Variants in FAT3 observed in about 807,000 individuals in gnomAD.
FAT3 encodes FAT atypical cadherin 3, also known as protocadherin Fat 3.
FAT3 carries 95 observed loss-of-function variants against 310.2 expected under a neutral mutation model. The ratio of observed to expected loss-of-function variants is 0.31; its 90% CI spans 0.26 to 0.36. The LOEUF (loss-of-function observed/expected upper bound fraction) is 0.36. Among genes scored for constraint, FAT3 ranks in the 10% least tolerant of loss-of-function variants. The pLI, the probability that FAT3 is intolerant of heterozygous loss-of-function variation, is 1.00. For synonymous variants in FAT3, 2,314 were observed against 2,192.9 expected, an observed-to-expected ratio of 1.06 and a Z score of -1.54; for missense variants, 5,408 against 5,715.6, an observed-to-expected ratio of 0.95 and a Z score of 1.74.
intron 3 of FAT3, among the ~76,000 whole-genome samples, chr11:92,652,345 T>C (rs185282576): frequency 6.6e-6 from 1 of 152,314 alleles, no homozygotes; most frequent in African/African-American, 2.4e-5. Flanking sequence ...GTTAAGAAGG[T>C]TAGATATTCA....
At chr11:92,688,388 A>G (rs371973106) in intron 3 of FAT3, among the ~76,000 whole-genome samples, 1 of 152,118 alleles carries the variant, frequency 6.6e-6, no homozygotes, top group Non-Finnish European at 1.5e-5. Context: ...AGTGTTGTTC[A>G]TGTTAGAAAA....
At chr11:92,679,058 A>C (rs1943383684) in intron 3 of FAT3, among the ~76,000 whole-genome samples, 1 of 152,120 alleles carries the variant, frequency 6.6e-6, no homozygotes, top group South Asian at 2.1e-4. Flanking sequence ...GATATTTGAC[A>C]TTCTTTGGCT....
chr11:92,285,570 G>A (rs1946541685), intron 1 of FAT3, among the ~76,000 whole-genome samples: 1 of 152,084 alleles, frequency 6.6e-6, no homozygotes, highest in Non-Finnish European at 1.5e-5. Context: ...AACACAAGTG[G>A]CTATTGATCA....
chr11:92,615,739 G>A (rs1206136774), intron 3 of FAT3, among the ~76,000 whole-genome samples: 2 of 152,182 alleles, frequency 1.3e-5, no homozygotes, highest in African/African-American at 4.8e-5. Context: ...TATGTACCCA[G>A]TAGTCATTCA....
chr11:92,337,297 A>T (rs1323379694), intron 1 of FAT3, among the ~76,000 whole-genome samples: 1 of 152,196 alleles, frequency 6.6e-6, no homozygotes, highest in African/African-American at 2.4e-5. Flanking sequence ...CATTTAGTCT[A>T]AGTAATTTTT....
chr11:92,841,072 A>G (rs956679984), intron 18 of FAT3, among the ~76,000 whole-genome samples: 1 of 152,000 alleles, frequency 6.6e-6, no homozygotes, highest in African/African-American at 2.4e-5. Flanking sequence ...CCATCACATT[A>G]CCCCACTTGG....
At chr11:92,825,768 T>G (rs1243286627) in intron 13 of FAT3, among the ~76,000 whole-genome samples, 1 of 152,086 alleles carries the variant, frequency 6.6e-6, no homozygotes, top group Non-Finnish European at 1.5e-5. Flanking sequence ...TTTAGAAACT[T>G]AACACTGGTT....
In FAT3 at chr11:92,844,383, C is replaced by A; in HGVS notation, c.11016C>A (p.Thr3672=). The A allele has an allele frequency of 3.1e-6, 5 of 1,613,878 alleles. No individual in the cohort carries two copies. Among genetic ancestry groups the A allele is most frequent in the Non-Finnish European group, 3.4e-6 (4 of 1,179,882 alleles). The change falls in exon 19 of 28, where the codon ACC becomes ACA. Residue 3672 remains threonine (T), a synonymous_variant. Transcript: ENST00000525166. ...TGCACATGCATGGGTTCCGGCGCAC[C>A]CTGCGGAATGCAGTCCTCACCCAGA... The part of the protein sequence containing the change: ...VGLHMHGFRR[T]LRNAVLTQKQ...
intron 13 of FAT3, among the ~76,000 whole-genome samples, chr11:92,816,299 C>G (rs994761160): frequency 6.6e-6 from 1 of 152,202 alleles, no homozygotes; most frequent in African/African-American, 2.4e-5. Context: ...CAGTGCGAGT[C>G]TATCTAGTGA....
intron 22 of FAT3, among the ~76,000 whole-genome samples, chr11:92,877,525 T>A (rs1949561965): frequency 6.6e-6 from 1 of 152,132 alleles, no homozygotes; most frequent in East Asian, 1.9e-4. Flanking sequence ...CCACCCCTCC[T>A]CTGCCACCAC....
rs1472992245 is a variant in FAT3 at position 92,566,612 on chromosome 11, G to A, written c.3607+41664G>A. On this transcript the variant is annotated intron_variant, in intron 3 of 27. Coordinates refer to ENST00000525166, the MANE Select transcript of FAT3 (RefSeq NM_001367949.2). ...CTAAGCCAAAAGAACAAAGCTGGAGGCATCACACTACCTGACTTCAAACTA... is the reference window on the plus strand; with the variant it reads ...CTAAGCCAAAAGAACAAAGCTGGAGACATCACACTACCTGACTTCAAACTA... Among the ~76,000 whole-genome samples the A allele has an allele frequency of 4.0e-5, 6 of 151,526 alleles. No homozygotes were observed. In the East Asian group the frequency reaches 1.2e-3, roughly 29 times the overall value.
intron 3 of FAT3, among the ~76,000 whole-genome samples, chr11:92,549,499 G>T (rs909792274): frequency 3.3e-5 from 5 of 152,310 alleles, no homozygotes; most frequent in South Asian, 2.1e-4. Flanking sequence ...CTGGAAGATG[G>T]ATTATGCAGT....
chr11:92,705,556 T>TA (rs1944275125), intron 4 of FAT3, among the ~76,000 whole-genome samples: 1 of 110,926 alleles, frequency 9.0e-6, no homozygotes, highest in Non-Finnish European at 1.8e-5. Flanking sequence ...ATGGTGGTGG[T>TA]GTGATGGTGG....
chr11:92,680,348 T>G (rs894859351), intron 3 of FAT3, among the ~76,000 whole-genome samples: 2 of 152,208 alleles, frequency 1.3e-5, no homozygotes, highest in African/African-American at 4.8e-5. Flanking sequence ...CCAACACCAT[T>G]TATTTTCTGA....
rs945043501 is a variant in FAT3 at position 92,355,510 on chromosome 11, G to T, written c.3292+106G>T. 9 of 1,134,398 alleles carry T rather than the reference G, an allele frequency of 7.9e-6. No individual in the cohort carries two copies. The Admixed American group carries it at 1.0e-4, about 13-fold the overall frequency. 70.3% of individuals were successfully genotyped at this position (1,134,398 alleles called of 1,614,324 possible). ...ACACTAAAATAGAATGACAAATGAG[G>T]TTGCATTTGGTGCAGAGACGACGCA... On this transcript the variant is annotated intron_variant, in intron 2 of 27. Transcript: ENST00000525166.
chr11:92,321,194 T>C (rs1379441742), intron 1 of FAT3, among the ~76,000 whole-genome samples: 1 of 152,056 alleles, frequency 6.6e-6, no homozygotes, highest in Non-Finnish European at 1.5e-5. Context: ...CCCAGCACTT[T>C]GGGAGGCCAA....
chr11:92,433,794 A>T (rs1950857761), intron 2 of FAT3, among the ~76,000 whole-genome samples: 1 of 151,896 alleles, frequency 6.6e-6, no homozygotes, highest in Admixed American at 6.6e-5. Context: ...GTGGATCATG[A>T]GGTCAGGAGA....
chr11:92,436,884 C>G (rs916897855), intron 2 of FAT3, among the ~76,000 whole-genome samples: 1 of 152,144 alleles, frequency 6.6e-6, no homozygotes, highest in Non-Finnish European at 1.5e-5. Flanking sequence ...CAAGATAAGA[C>G]ATACTGATTT....
intron 3 of FAT3, among the ~76,000 whole-genome samples, chr11:92,589,694 G>A (rs1265656978): frequency 6.6e-6 from 1 of 151,564 alleles, no homozygotes; most frequent in Non-Finnish European, 1.5e-5. Context: ...CCCACACCCC[G>A]CCACCACACA....
Sources: allele counts gnomAD v4.1 joint callset (sites outside exome capture counted in the v4.1 genomes callset), GRCh38; gene constraint gnomAD v4.1.1; transcripts MANE v1.5; gene names NCBI Gene and HGNC (gene_info 2026-07-23, HGNC 2026-07-21).